The following OR5M9 variants were observed in gnomAD, a reference collection of about 807,000 sequenced individuals.
OR5M9 encodes olfactory receptor 5M9.
For synonymous variants in OR5M9, 174 were observed against 145.0 expected (o/e 1.20, Z -1.44); for missense variants, 464 against 383.6 (o/e 1.21, Z -1.75).
In OR5M9 at chr11:56,463,350, G is replaced by A. The variant is rs772474039; in HGVS notation, c.52C>T (p.Arg18Cys). The change falls in exon 1 of 1, where the codon CGT becomes TGT. Residue 18 changes from arginine to cysteine, a missense_variant. Arg to Cys is a radical substitution (Grantham distance 180). Transcript: ENST00000279791. ...AAAAAGAGAACCTGTAGCTCCTGAC[G>A]ACAGGTCAGCCCCAGGAGAGTAAAT... ...TEFTLLGLTC[R>C]QELQVLFFVV... is the part of the protein sequence containing the mutation. 4 of 1,613,316 alleles carry A rather than the reference G, an allele frequency of 2.5e-6. No homozygotes were observed. The highest frequency in any genetic ancestry group is 1.7e-5 in the Admixed American group (1 of 59,876).
chr11:56,462,865 A>T lies in OR5M9; in HGVS notation c.537T>A (p.Asp179Glu). The T allele has an allele frequency of 1.2e-6, 2 of 1,614,004 alleles. No individual in the cohort carries two copies. The highest frequency in any genetic ancestry group is 1.3e-5 in the African/African-American group (1 of 75,016). Residue 179 changes from aspartate (D) to glutamate (E), a missense_variant, in exon 1 of 1, where the codon GAT (aspartate) becomes GAA (glutamate). Physicochemically the swap from Asp to Glu is conservative, Grantham distance 45. Coordinates refer to ENST00000279791, the MANE Select transcript of OR5M9 (RefSeq NM_001004743.1). ...CACAGGCAATCTGGATGAGAGGGGG[A>T]TCTGCACAATAGAAGTGATTGATTT... is the stretch of plus-strand genomic sequence containing the variant. The part of the protein sequence containing the change: ...NFEINHFYCA[D>E]PPLIQIACGR...
rs751486203 is a variant in OR5M9 at position 56,462,634 on chromosome 11, C to T, written c.768G>A (p.Met256Ile). 1.3e-4 allele frequency: 213 copies of T among 1,613,784 alleles called. No homozygotes were observed. The highest frequency in any genetic ancestry group is 1.7e-4 in the Non-Finnish European group (200 of 1,179,950). ...ATTCCTCAGTGGGTCTCCTGAGATACATGAAGATGGGGGTCCCATAAAACA... is the reference window on the plus strand; with the variant it reads ...ATTCCTCAGTGGGTCTCCTGAGATATATGAAGATGGGGGTCCCATAAAACA... The part of the protein sequence containing the change: ...VSMFYGTPIF[M>I]YLRRPTEESV... The change falls in exon 1 of 1, where the codon ATG (methionine) becomes ATA (isoleucine). Residue 256 changes from methionine (M) to isoleucine (I), a missense_variant. Met to Ile is a conservative substitution (Grantham distance 10). Transcript: ENST00000279791.
In OR5M9 at chr11:56,462,880, G is replaced by A. The variant is rs1853571811; in HGVS notation, c.522C>T (p.His174=). The A allele has an allele frequency of 6.2e-7, 1 of 1,614,068 alleles. No homozygotes were observed. Among genetic ancestry groups the A allele is most frequent in the East Asian group, 2.2e-5 (1 of 44,850 alleles). The change falls in exon 1 of 1, where the codon CAC becomes CAT. Residue 174 remains histidine (H), a synonymous_variant. Coordinates refer to ENST00000279791, the MANE Select transcript of OR5M9 (RefSeq NM_001004743.1). The part of the protein sequence containing the change: ...LYFCGNFEIN[H]FYCADPPLIQ... Reference sequence around the variant, plus strand: ...TGAGAGGGGGATCTGCACAATAGAAGTGATTGATTTCAAAGTTTCCACAGA... The same window carrying A: ...TGAGAGGGGGATCTGCACAATAGAAATGATTGATTTCAAAGTTTCCACAGA...
chr11:56,463,081 G>T lies in OR5M9; in HGVS notation c.321C>A (p.His107Gln). The change falls in exon 1 of 1, where the codon CAC (histidine) becomes CAA (glutamine). Residue 107 changes from histidine to glutamine, a missense_variant. Physicochemically the swap from His to Gln is conservative, Grantham distance 24. Transcript: ENST00000279791. The part of the protein sequence containing the change: ...VQCYFFIAVV[H>Q]VEVYILAVMA... ...TCACAGCCAGGATATAGACCTCCAC[G>T]TGGACAACGGCAATGAAAAAGTAGC... is the stretch of plus-strand genomic sequence containing the variant. 6.2e-7 allele frequency: 1 copy of T among 1,613,998 alleles called. No homozygotes were observed. Among genetic ancestry groups the T allele is most frequent in the Non-Finnish European group, 8.5e-7 (1 of 1,179,930 alleles).
chr11:56,463,234 G>T lies in OR5M9; in HGVS notation c.168C>A (p.Pro56=), dbSNP rs369243622. 7.4e-6 allele frequency: 12 copies of T among 1,613,816 alleles called. No homozygotes were observed. The African/African-American group carries it at 1.6e-4, about 22-fold the overall frequency. ...ACAGATGACTCAGGAAAAAGTACAT[G>T]GGACTCTGAAGCTGAGGACTGATGC... is the stretch of plus-strand genomic sequence containing the variant. ...LISISPQLQS[P]MYFFLSHLSF... Residue 56 remains proline, a synonymous_variant, in exon 1 of 1, where the codon CCC becomes CCA. Transcript: ENST00000279791.
Position 56,463,308 on chromosome 11 carries a change from C to G in OR5M9, c.94G>C (p.Val32Leu), listed in dbSNP as rs760892360. Reference protein sequence around the residue: ...QVLFFVVFLAVYMITLLGNIG... With the variant: ...QVLFFVVFLALYMITLLGNIG... ...TTTCCCAACAGAGTGATCATGTAAA[C>G]CGCTAGGAACACCACAAAAAAGAGA... Residue 32 changes from valine to leucine, a missense_variant, in exon 1 of 1, where the codon GTT becomes CTT. Physicochemically the swap from Val to Leu is conservative, Grantham distance 32 (BLOSUM62 1). Transcript: ENST00000279791. The G allele has an allele frequency of 1.2e-6, 2 of 1,613,644 alleles. No homozygotes were observed. Among genetic ancestry groups the G allele is most frequent in the Non-Finnish European group, 8.5e-7 (1 of 1,179,736 alleles).
chr11:56,462,509 GCTTC>G lies in OR5M9; in HGVS notation c.889_892del (p.Glu297GlnfsTer11), dbSNP rs1298949283. On this transcript the variant is annotated frameshift_variant, in exon 1 of 1. Coordinates refer to ENST00000279791, the MANE Select transcript of OR5M9 (RefSeq NM_001004743.1). LOFTEE classifies it low-confidence loss of function (END_TRUNC). Reference sequence around the variant, plus strand: ...TGTCTTGGTGATTGCTTTGTTGACTGCTTCTTTTACATCCTTATTTCTCAGACTG... The same window carrying G: ...TGTCTTGGTGATTGCTTTGTTGACTGTTTTACATCCTTATTTCTCAGACTG... The G allele has an allele frequency of 1.9e-6, 3 of 1,613,190 alleles. No homozygotes were observed. The highest frequency in any genetic ancestry group is 1.3e-5 in the African/African-American group (1 of 74,890).
chr11:56,462,738 C>T lies in OR5M9; in HGVS notation c.664G>A (p.Ala222Thr). Residue 222 changes from alanine to threonine, a missense_variant, in exon 1 of 1, where the codon GCT becomes ACT. Coordinates refer to ENST00000279791, the MANE Select transcript of OR5M9 (RefSeq NM_001004743.1). ...VLISYTLIVVAVLRMRSADGR... is the reference protein window; with the variant it reads ...VLISYTLIVVTVLRMRSADGR... ...TCGGCAGAGCGCATGCGTAGCACAG[C>T]TACTACAATGAGAGTGTAGGAGATG... 1 of 1,613,040 alleles carries T rather than the reference C, an allele frequency of 6.2e-7. No individual in the cohort carries two copies. The highest frequency in any genetic ancestry group is 8.5e-7 in the Non-Finnish European group (1 of 1,179,690).
chr11:56,463,117 G>A lies in OR5M9; in HGVS notation c.285C>T (p.Cys95=), dbSNP rs1214280372. The change falls in exon 1 of 1, where the codon TGC becomes TGT. Residue 95 remains cysteine (C), a synonymous_variant. Coordinates refer to ENST00000279791, the MANE Select transcript of OR5M9 (RefSeq NM_001004743.1). ...CAATGAAAAAGTAGCACTGCACCAAGCATCCCACATAGGAAATGGTTTTTG... is the reference window on the plus strand; with the variant it reads ...CAATGAAAAAGTAGCACTGCACCAAACATCCCACATAGGAAATGGTTTTTG... ...SETKTISYVG[C]LVQCYFFIAV... is the part of the protein sequence containing the mutation. The A allele has an allele frequency of 1.2e-6, 2 of 1,614,072 alleles. No homozygotes were observed. The highest frequency in any genetic ancestry group is 1.7e-6 in the Non-Finnish European group (2 of 1,179,960).
rs759457183 is a variant in OR5M9, at chr11:56,462,699, C to T, written c.703G>A (p.Ala235Thr). The change falls in exon 1 of 1, where the codon GCG becomes ACG. Residue 235 changes from alanine (A) to threonine (T), a missense_variant. Coordinates refer to ENST00000279791, the MANE Select transcript of OR5M9 (RefSeq NM_001004743.1). ...RMRSADGRRK[A>T]FSTCGSHLTA... The stretch of plus-strand genomic sequence containing the variant: ...AAGTGGGACCCACAGGTGGAGAACG[C>T]CTTCCTCCTGCCATCGGCAGAGCGC... The T allele has an allele frequency of 1.9e-6, 3 of 1,613,160 alleles. No homozygotes were observed.
At position 56,462,978 on chromosome 11, in the gene OR5M9, G is replaced by A. The variant is rs778808314; in HGVS notation, c.424C>T (p.Leu142Phe). The A allele has an allele frequency of 6.2e-7, 1 of 1,614,048 alleles. No homozygotes were observed. The highest frequency in any genetic ancestry group is 1.7e-5 in the Admixed American group (1 of 59,992). ...CCATAGACATAAGGCACAGAGATGA[G>A]CCGAACACACACAGTCCTAGACATT... ...SKMSRTVCVRLISVPYVYGFS... is the reference protein window; with the variant it reads ...SKMSRTVCVRFISVPYVYGFS... The change falls in exon 1 of 1, where the codon CTC (leucine) becomes TTC (phenylalanine). Residue 142 changes from leucine to phenylalanine, a missense_variant. Physicochemically the swap from Leu to Phe is conservative, Grantham distance 22. Transcript: ENST00000279791.
rs371129585 is a variant in OR5M9 at position 56,462,648 on chromosome 11, T to A, written c.754A>T (p.Thr252Ser). 19 of 1,612,576 alleles carry A rather than the reference T, an allele frequency of 1.2e-5. No homozygotes were observed. The African/African-American group carries it at 2.6e-4, about 22-fold the overall frequency. The change falls in exon 1 of 1, where the codon ACC becomes TCC. Residue 252 changes from threonine (T) to serine (S), a missense_variant. Transcript: ENST00000279791. ...CTCCTGAGATACATGAAGATGGGGG[T>A]CCCATAAAACATAGAAACAGCCGTC... ...HLTAVSMFYG[T>S]PIFMYLRRPT...
In OR5M9 at chr11:56,463,008, T is replaced by C; in HGVS notation, c.394A>G (p.Ser132Gly). The C allele has an allele frequency of 6.2e-7, 1 of 1,614,028 alleles. No individual in the cohort carries two copies. Among genetic ancestry groups the C allele is most frequent in the Non-Finnish European group, 8.5e-7 (1 of 1,179,966 alleles). ...ACACACACAGTCCTAGACATTTTAC[T>C]GCCATAAAGCAGAGGGTTGCAGCCG... is the stretch of plus-strand genomic sequence containing the variant. ...MAGCNPLLYG[S>G]KMSRTVCVRL... is the part of the protein sequence containing the mutation. Residue 132 changes from serine to glycine, a missense_variant, in exon 1 of 1, where the codon AGT becomes GGT. Ser to Gly is a moderately conservative substitution (Grantham distance 56). Coordinates refer to ENST00000279791, the MANE Select transcript of OR5M9 (RefSeq NM_001004743.1).
rs1853580640 is a variant in OR5M9, at chr11:56,463,250, G to T, written c.152C>A (p.Pro51His). ...IGMIILISIS[P>H]QLQSPMYFFL... ...AAAGTACATGGGACTCTGAAGCTGA[G>T]GACTGATGCTAATCAAAATGATCAT... Residue 51 changes from proline (P) to histidine (H), a missense_variant, in exon 1 of 1, where the codon CCT becomes CAT. By Grantham distance (77) the Pro-to-His change is moderately conservative. Transcript: ENST00000279791. 4 of 1,613,762 alleles carry T rather than the reference G, an allele frequency of 2.5e-6. No homozygotes were observed. Among genetic ancestry groups the T allele is most frequent in the African/African-American group, 1.3e-5 (1 of 74,872 alleles).
Position 56,463,310 on chromosome 11 carries a change from G to T in OR5M9, c.92C>A (p.Ala31Glu), listed in dbSNP as rs142650803. ...TCCCAACAGAGTGATCATGTAAACC[G>T]CTAGGAACACCACAAAAAAGAGAAC... ...LQVLFFVVFLAVYMITLLGNI... is the reference protein window; with the variant it reads ...LQVLFFVVFLEVYMITLLGNI... The change falls in exon 1 of 1, where the codon GCG becomes GAG. Residue 31 changes from alanine (A) to glutamate (E), a missense_variant. Transcript: ENST00000279791. 10 of 1,613,372 alleles carry T rather than the reference G, an allele frequency of 6.2e-6. No homozygotes were observed. Among genetic ancestry groups the T allele is most frequent in the South Asian group, 1.1e-5 (1 of 91,062 alleles).
At position 56,462,696 on chromosome 11, in the gene OR5M9, AC is replaced by A. The variant is rs1172872821; in HGVS notation, c.705del (p.Phe236SerfsTer8). On this transcript the variant is annotated frameshift_variant, in exon 1 of 1. Transcript: ENST00000279791. LOFTEE classifies it low-confidence loss of function (END_TRUNC). The part of the protein sequence containing the change: ...RMRSADGRRK[A>X]FSTCGSHLTA... Reference sequence around the variant, plus strand: ...GTCAAGTGGGACCCACAGGTGGAGAACGCCTTCCTCCTGCCATCGGCAGAGC... The same window carrying A: ...GTCAAGTGGGACCCACAGGTGGAGAAGCCTTCCTCCTGCCATCGGCAGAGC... The A allele has an allele frequency of 1.9e-6, 3 of 1,613,290 alleles. No individual in the cohort carries two copies. The African/African-American group carries it at 4.0e-5, about 22-fold the overall frequency.
At position 56,462,782 on chromosome 11, in the gene OR5M9, T is replaced by TA. The variant is rs1162377529; in HGVS notation, c.619dup (p.Tyr207LeufsTer57). 1 of 1,613,286 alleles carries TA rather than the reference T, an allele frequency of 6.2e-7. No homozygotes were observed. Among genetic ancestry groups the TA allele is most frequent in the Non-Finnish European group, 8.5e-7 (1 of 1,179,826 alleles). On this transcript the variant is annotated frameshift_variant, in exon 1 of 1. Coordinates refer to ENST00000279791, the MANE Select transcript of OR5M9 (RefSeq NM_001004743.1). LOFTEE classifies it low-confidence loss of function (END_TRUNC). ...GGAGATGAGGACCACCGAGAGGGAA[T>TA]ATGTGAAGTTAATTCCAGCAATAAC...
chr11:56,462,685 A>G lies in OR5M9; in HGVS notation c.717T>C (p.Cys239=). 6.2e-7 allele frequency: 1 copy of G among 1,613,518 alleles called. No individual in the cohort carries two copies. The highest frequency in any genetic ancestry group is 8.5e-7 in the Non-Finnish European group (1 of 1,179,782). Residue 239 remains cysteine, a synonymous_variant, in exon 1 of 1, where the codon TGT becomes TGC. Transcript: ENST00000279791. ...ADGRRKAFST[C]GSHLTAVSMF... is the part of the protein sequence containing the mutation. ...TAGAAACAGCCGTCAAGTGGGACCC[A>G]CAGGTGGAGAACGCCTTCCTCCTGC...
At position 56,462,935 on chromosome 11, in the gene OR5M9, A is replaced by G; in HGVS notation, c.467T>C (p.Ile156Thr). 2 of 1,614,058 alleles carry G rather than the reference A, an allele frequency of 1.2e-6. No individual in the cohort carries two copies. Among genetic ancestry groups the G allele is most frequent in the Non-Finnish European group, 8.5e-7 (1 of 1,179,948 alleles). The change falls in exon 1 of 1, where the codon ATA becomes ACA. Residue 156 changes from isoleucine (I) to threonine (T), a missense_variant. By Grantham distance (89) the Ile-to-Thr change is moderately conservative. Transcript: ENST00000279791. ...PYVYGFSVSL[I>T]CTLWTYGLYF... ...TAAGCCATAAGTCCATAGTGTGCAT[A>G]TTAGGCTGACAGAGAATCCATAGAC...
Sources: gnomAD v4.1 joint callset for allele counts on GRCh38, gnomAD v4.1.1 for gene constraint, MANE v1.5 for transcripts, NCBI Gene and HGNC (gene_info 2026-07-23, HGNC 2026-07-21) for gene names.